Variants in LIN9 observed in about 807,000 individuals in gnomAD.
The protein encoded by LIN9 is lin-9 DREAM MuvB core complex component.
In LIN9, 18 loss-of-function variants were observed where a neutral mutation model predicts 78.0. That is an observed-to-expected ratio of 0.23 (90% CI 0.16 to 0.34). The LOEUF is 0.34. Ranked by LOEUF, LIN9 falls within the 10% of genes least tolerant of loss-of-function variation. The pLI is 1.00. For synonymous variants in LIN9, 192 were observed against 215.2 expected, an observed-to-expected ratio of 0.89 and a Z score of 0.94; for missense variants, 451 against 644.1, an observed-to-expected ratio of 0.70 and a Z score of 3.25.
At chr1:226,258,208 AAAC>A (rs1659328687) in intron 10 of LIN9, among the ~76,000 whole-genome samples, 3 of 112,490 alleles carry the variant, frequency 2.7e-5, no homozygotes, top group African/African-American at 9.2e-5. Context: ...ACAAACAAAC[AAAC>A]AAAACAGGGC....
At chr1:226,295,413 T>C (rs2102654762) in intron 4 of LIN9, among the ~76,000 whole-genome samples, 1 of 152,114 alleles carries the variant, frequency 6.6e-6, no homozygotes, top group South Asian at 2.1e-4. Context: ...CACGCCACTG[T>C]ACTCCAGCCT....
At chr1:226,277,971 C>T in intron 6 of LIN9, 39 bp from the exon 7 acceptor site, 1 of 1,487,342 alleles carries the variant, frequency 6.7e-7, no homozygotes, top group Non-Finnish European at 9.1e-7. Flanking sequence ...CTGATAACTA[C>T]CCCATATAAA....
intron 11 of LIN9, among the ~76,000 whole-genome samples, chr1:226,240,839 T>C (rs1229663525): frequency 2.0e-5 from 3 of 152,172 alleles, no homozygotes; most frequent in African/African-American, 7.2e-5. Context: ...CATGTGCCAC[T>C]ATGCCTGGCT....
intron 12 of LIN9, among the ~76,000 whole-genome samples, chr1:226,237,632 CAAAAA>C (rs1167453006): frequency 5.2e-5 from 3 of 57,420 alleles, no homozygotes; most frequent in Non-Finnish European, 9.9e-5. Context: ...AACTCTGTCT[CAAAAA>C]AAAAAAAAAA....
intron 11 of LIN9, among the ~76,000 whole-genome samples, chr1:226,243,397 A>T (rs1658240111): frequency 1.3e-5 from 2 of 152,064 alleles, no homozygotes; most frequent in African/African-American, 4.8e-5. Context: ...AAATTTATTT[A>T]AAAATGTCTG....
rs1659276356 is a variant in LIN9, at chr1:226,257,463, C to G, written c.1039-6544G>C. Among the ~76,000 whole-genome samples the G allele has an allele frequency of 3.9e-5, 6 of 151,948 alleles. No individual in the cohort carries two copies. In the South Asian group the frequency reaches 1.2e-3, roughly 31 times the overall value. On this transcript the variant is annotated intron_variant, in intron 10 of 14. Transcript: ENST00000681046. ...TTATATATGATTATGTGTATATATG[C>G]TTATGCATGCTTAGGTATAAATAAA...
At chr1:226,247,777 C>A (rs911982197) in intron 11 of LIN9, among the ~76,000 whole-genome samples, 7 of 151,396 alleles carry the variant, frequency 4.6e-5, no homozygotes, top group Non-Finnish European at 1.0e-4. Flanking sequence ...GTTCAAGCGA[C>A]TCTCCTGCCT....
chr1:226,275,061 G>T (rs901590299), intron 7 of LIN9, among the ~76,000 whole-genome samples: 3 of 151,806 alleles, frequency 2.0e-5, no homozygotes, highest in African/African-American at 7.3e-5. Context: ...TGCTACACAG[G>T]GTGTTGAATT....
intron 2 of LIN9, among the ~76,000 whole-genome samples, chr1:226,299,202 G>C (rs995033507): frequency 3.3e-5 from 5 of 152,010 alleles, no homozygotes; most frequent in African/African-American, 9.7e-5. Flanking sequence ...TTATATAAAT[G>C]ATTTATCAAG....
In LIN9 at chr1:226,288,621, A is replaced by C. The variant is rs149274811; in HGVS notation, c.265-824T>G. 2.7e-3 allele frequency among the ~76,000 whole-genome samples: 404 copies of C among 152,342 alleles called. 1 individual carries two copies. The highest frequency in any genetic ancestry group is 4.4e-3 in the Non-Finnish European group (299 of 68,034). On this transcript the variant is annotated intron_variant, in intron 4 of 14. Transcript: ENST00000681046. ...TGATTCAAAAAAATCACTATATGTAAATAATAACTGGACAGGCCATAAGAG... is the reference window on the plus strand; with the variant it reads ...TGATTCAAAAAAATCACTATATGTACATAATAACTGGACAGGCCATAAGAG...
chr1:226,298,364 C>A (rs546108639), intron 2 of LIN9, among the ~76,000 whole-genome samples: 1 of 152,104 alleles, frequency 6.6e-6, no homozygotes, highest in Non-Finnish European at 1.5e-5. Flanking sequence ...TGTGCCACCA[C>A]GCCTAGCTAA....
intron 7 of LIN9, among the ~76,000 whole-genome samples, chr1:226,274,326 C>G (rs1383956970): frequency 6.6e-6 from 1 of 152,076 alleles, no homozygotes; most frequent in African/African-American, 2.4e-5. Context: ...TTTGGCATTA[C>G]TTCTAGCATT....
intron 4 of LIN9, among the ~76,000 whole-genome samples, chr1:226,293,724 A>G (rs1661941058): frequency 6.6e-6 from 1 of 152,096 alleles, no homozygotes. Context: ...CGCCCAACTA[A>G]TTTTTGTATT....
Position 226,232,154 on chromosome 1 carries a change from T to C in LIN9, c.*347A>G. On this transcript the variant is annotated 3_prime_UTR_variant, in exon 15 of 15. Coordinates refer to ENST00000681046, the MANE Select transcript of LIN9 (RefSeq NM_001366245.2). ...TTCTTCATACTCTCCATTGCAGCAG[T>C]TGTCTGCATGTGTTGCGGTGAATTC... is the stretch of plus-strand genomic sequence containing the variant. 1 of 399,596 alleles carries C rather than the reference T, an allele frequency of 2.5e-6. No homozygotes were observed. Among genetic ancestry groups the C allele is most frequent in the Non-Finnish European group, 4.4e-6 (1 of 226,510 alleles). The allele number at this position is 399,596 out of a possible 1,614,324, so 24.8% of individuals were successfully genotyped here.
upstream of LIN9, chr1:226,309,492 C>T (rs1663165570): frequency 1.8e-6 from 2 of 1,115,412 alleles, no homozygotes; most frequent in Admixed American, 5.5e-5. Context: ...TTCCGCGGCC[C>T]GCGCTGCAGC....
chr1:226,252,825 T>C (rs900250999), intron 10 of LIN9, among the ~76,000 whole-genome samples: 1 of 151,712 alleles, frequency 6.6e-6, no homozygotes, highest in African/African-American at 2.4e-5. Context: ...AAATTAGCAG[T>C]GCGTGGTGGT....
At chr1:226,283,198 C>T (rs1003156951) in intron 6 of LIN9, among the ~76,000 whole-genome samples, 1 of 151,852 alleles carries the variant, frequency 6.6e-6, no homozygotes, top group African/African-American at 2.4e-5. Context: ...GTGAGCATGG[C>T]TCACTGCAGC....
intron 11 of LIN9, among the ~76,000 whole-genome samples, chr1:226,239,419 G>A (rs1489578186): frequency 2.6e-5 from 4 of 152,180 alleles, no homozygotes; most frequent in African/African-American, 9.7e-5. Context: ...TCATAGGATT[G>A]TTAGTTGTTA....
At chr1:226,287,565 G>C (rs1661448772) in intron 5 of LIN9, 99 bp downstream of exon 5, 2 of 728,134 alleles carry the variant, frequency 2.7e-6, no homozygotes, top group African/African-American at 1.9e-5. Flanking sequence ...AGAAAAATAA[G>C]ATCAAAGTAG....
Sources: allele counts gnomAD v4.1 joint callset (sites outside exome capture counted in the v4.1 genomes callset), GRCh38; gene constraint gnomAD v4.1.1; transcripts MANE v1.5; gene names NCBI Gene and HGNC (gene_info 2026-07-23, HGNC 2026-07-21).